The following ENTREP2 variants were observed in gnomAD, a reference collection of about 807,000 sequenced individuals.
The protein encoded by ENTREP2 is protein ENTREP2.
the ENTREP2 span, among the ~76,000 whole-genome samples, chr15:29,242,667 T>TGGATGTGG: frequency 2.0e-5 from 3 of 152,182 alleles, no homozygotes; most frequent in Non-Finnish European, 4.4e-5. Flanking sequence ...TGCCAGGCCC[T>TGGATGTGG]GGATGTGGGA....
At chr15:29,532,372 T>C in the ENTREP2 span, among the ~76,000 whole-genome samples, 1 of 152,208 alleles carries the variant, frequency 6.6e-6, no homozygotes, top group Admixed American at 6.5e-5. Flanking sequence ...ATTTGTAGCA[T>C]TCATGGCCGA....
chr15:29,140,639 G>T, the ENTREP2 span, among the ~76,000 whole-genome samples: 4 of 151,936 alleles, frequency 2.6e-5, no homozygotes, highest in Non-Finnish European at 5.9e-5. Context: ...CTTTCACCTG[G>T]CGCCTCCCAG....
chr15:29,559,329 G>A, the ENTREP2 span, among the ~76,000 whole-genome samples: 6 of 152,056 alleles, frequency 3.9e-5, no homozygotes, highest in African/African-American at 1.4e-4. Context: ...CTGTGTGCAA[G>A]GTGACTGAGC....
At chr15:29,314,752 TTAGAAAATGTAA>T in the ENTREP2 span, among the ~76,000 whole-genome samples, 8 of 152,124 alleles carry the variant, frequency 5.3e-5, no homozygotes, top group East Asian at 1.5e-3. Flanking sequence ...AGATAAACAG[TTAGAAAATGTAA>T]TAGAAGGCCA....
the ENTREP2 span, among the ~76,000 whole-genome samples, chr15:29,486,241 T>A: frequency 6.6e-6 from 1 of 152,172 alleles, no homozygotes; most frequent in Non-Finnish European, 1.5e-5. Context: ...AATCCTGCCT[T>A]TTTTAATAAC....
the ENTREP2 span, among the ~76,000 whole-genome samples, chr15:29,604,678 A>G: frequency 6.6e-6 from 1 of 152,170 alleles, no homozygotes; most frequent in South Asian, 2.1e-4. Context: ...CTTAACCAAA[A>G]TATTGTTTTA....
At chr15:29,460,828 C>A in the ENTREP2 span, among the ~76,000 whole-genome samples, 2 of 151,972 alleles carry the variant, frequency 1.3e-5, no homozygotes, top group Non-Finnish European at 2.9e-5. Context: ...ACATCCAAGC[C>A]ACTATCACGT....
chr15:29,674,781 G>A, the ENTREP2 span, among the ~76,000 whole-genome samples: 3 of 149,808 alleles, frequency 2.0e-5, no homozygotes, highest in African/African-American at 7.4e-5. Flanking sequence ...AGGAGGGGGC[G>A]CGGAGGAAGG....
the ENTREP2 span, among the ~76,000 whole-genome samples, chr15:29,650,267 C>T: frequency 6.6e-6 from 1 of 152,120 alleles, no homozygotes; most frequent in Non-Finnish European, 1.5e-5. Context: ...CTGGAGCAGT[C>T]ATAAAGGGAC....
the ENTREP2 span, chr15:29,137,217 G>A: frequency 4.1e-6 from 6 of 1,460,584 alleles, no homozygotes; most frequent in Non-Finnish European, 5.4e-6. Flanking sequence ...GACAACCACA[G>A]AGTTATCTGG....
chr15:29,297,105 C>G, the ENTREP2 span, among the ~76,000 whole-genome samples: 1 of 152,162 alleles, frequency 6.6e-6, no homozygotes, highest in Non-Finnish European at 1.5e-5. Context: ...AACTAACTAC[C>G]TGCCAGAACA....
At chr15:29,673,124 G>A in the ENTREP2 span, among the ~76,000 whole-genome samples, 6 of 152,244 alleles carry the variant, frequency 3.9e-5, 1 homozygote, top group Middle Eastern at 6.8e-3. Context: ...TGGTAGGAGT[G>A]TCTTTTAGCA....
At chr15:29,276,679 C>T in the ENTREP2 span, among the ~76,000 whole-genome samples, 1 of 152,098 alleles carries the variant, frequency 6.6e-6, no homozygotes. Flanking sequence ...TTAATGCTGC[C>T]ATTTGAATCC....
chr15:29,566,601 T>C, the ENTREP2 span, among the ~76,000 whole-genome samples: 139,758 of 152,040 alleles, frequency 0.92, 64,378 homozygotes, highest in East Asian at 0.98. Context: ...GGATTACAGG[T>C]GCCCACCATC....
chr15:29,625,115 C>T, the ENTREP2 span, among the ~76,000 whole-genome samples: 1 of 151,962 alleles, frequency 6.6e-6, no homozygotes, highest in Non-Finnish European at 1.5e-5. Flanking sequence ...TGAACTTGTA[C>T]AATATTTTTT....
the ENTREP2 span, among the ~76,000 whole-genome samples, chr15:29,408,384 G>A: frequency 4.0e-5 from 6 of 150,440 alleles, no homozygotes; most frequent in African/African-American, 9.9e-5. Flanking sequence ...TCAGGAGCTG[G>A]GAAATCCTGG....
At chr15:29,668,335 C>G in the ENTREP2 span, among the ~76,000 whole-genome samples, 1 of 152,182 alleles carries the variant, frequency 6.6e-6, no homozygotes. Context: ...CAGATGGCGC[C>G]ACTTCGGAAA....
the ENTREP2 span, among the ~76,000 whole-genome samples, chr15:29,166,597 G>GAAAT: frequency 6.6e-6 from 1 of 152,098 alleles, no homozygotes; most frequent in South Asian, 2.1e-4. Context: ...AAAATACTTA[G>GAAAT]AAATATACCT....
the ENTREP2 span, among the ~76,000 whole-genome samples, chr15:29,602,560 T>C: frequency 1.3e-5 from 2 of 152,148 alleles, no homozygotes; most frequent in Non-Finnish European, 2.9e-5. Context: ...TTTTTTGAGA[T>C]GGAGTCTTGC....
Sources: allele counts gnomAD v4.1 joint callset (sites outside exome capture counted in the v4.1 genomes callset), GRCh38; gene constraint gnomAD v4.1.1; transcripts MANE v1.5; gene names NCBI Gene and HGNC (gene_info 2026-07-23, HGNC 2026-07-21).